Variants in RASSF8 observed in about 807,000 individuals in gnomAD.
The protein encoded by RASSF8 is ras association domain-containing protein 8.
In RASSF8, 22 loss-of-function variants were observed where a neutral mutation model predicts 48.5. The observed-to-expected ratio is 0.45, with a 90% confidence interval of 0.32 to 0.65. The LOEUF (loss-of-function observed/expected upper bound fraction) is 0.65, where lower values mean the gene tolerates loss of function less well. RASSF8 is among the 30% of genes least tolerant of loss of function. The pLI, the probability that RASSF8 is intolerant of heterozygous loss-of-function variation, is 0.03. For missense variants in RASSF8, 418 were observed against 489.2 expected, an observed-to-expected ratio of 0.85 and a Z score of 1.37; for synonymous variants, 127 against 171.5, an observed-to-expected ratio of 0.74 and a Z score of 2.03.
In RASSF8 at chr12:26,065,155, G is replaced by A. The variant is rs1943841191; in HGVS notation, c.761G>A (p.Cys254Tyr). The A allele has an allele frequency of 6.2e-7, 1 of 1,613,950 alleles. No homozygotes were observed. Among genetic ancestry groups the A allele is most frequent in the East Asian group, 2.2e-5 (1 of 44,886 alleles). ...LQEIRQKITE[C>Y]ENKLKDYLAQ... ...GAAATAAGACAGAAAATAACAGAAT[G>A]TGAAAACAAATTAAAGGACTATTTG... Residue 254 changes from cysteine to tyrosine, a missense_variant, in exon 4 of 6, where the codon TGT becomes TAT. Transcript: ENST00000689635.
chr12:26,074,297 G>A (rs1056422568), downstream of RASSF8, among the ~76,000 whole-genome samples: 1 of 151,996 alleles, frequency 6.6e-6, no homozygotes. Flanking sequence ...GTGAGCCCCT[G>A]TTTTTGTCCG....
intron 2 of RASSF8, among the ~76,000 whole-genome samples, chr12:26,044,948 T>C (rs1224546004): frequency 6.6e-6 from 1 of 152,212 alleles, no homozygotes; most frequent in Non-Finnish European, 1.5e-5. Flanking sequence ...CAGTGAATAA[T>C]GAGCCTCTCT....
intron 2 of RASSF8, among the ~76,000 whole-genome samples, chr12:26,001,600 A>G (rs1251758798): frequency 6.6e-6 from 1 of 151,910 alleles, no homozygotes; most frequent in African/African-American, 2.4e-5. Context: ...TAAGACACAA[A>G]CACACATTTT....
At chr12:26,078,227 T>A (rs1397383115) in intron 5 of RASSF8, among the ~76,000 whole-genome samples, 1 of 152,238 alleles carries the variant, frequency 6.6e-6, no homozygotes, top group Non-Finnish European at 1.5e-5. Flanking sequence ...AAGCAAAAAA[T>A]TAGTATCTTC....
chr12:26,037,620 T>C (rs1469427065), intron 2 of RASSF8, among the ~76,000 whole-genome samples: 3 of 152,226 alleles, frequency 2.0e-5, no homozygotes. Context: ...AGCAATGAGA[T>C]TGGCATAGAA....
chr12:26,032,825 A>G (rs930566270), intron 2 of RASSF8, among the ~76,000 whole-genome samples: 1 of 152,322 alleles, frequency 6.6e-6, no homozygotes, highest in South Asian at 2.1e-4. Context: ...TAAACAGCGT[A>G]TGTACACAAT....
chr12:25,965,758 A>C (rs1941346646), intron 1 of RASSF8, among the ~76,000 whole-genome samples: 1 of 152,158 alleles, frequency 6.6e-6, no homozygotes, highest in Non-Finnish European at 1.5e-5. Context: ...ATTTTCTGGA[A>C]TTTTAGATTA....
At chr12:26,026,340 C>T (rs569943028) in intron 2 of RASSF8, among the ~76,000 whole-genome samples, 1 of 152,264 alleles carries the variant, frequency 6.6e-6, no homozygotes, top group Non-Finnish European at 1.5e-5. Context: ...AATGGCCAAT[C>T]AGCAAATGAA....
rs899616008 is a variant in RASSF8 at position 26,016,746 on chromosome 12, CCT to C, written c.-109+21619_-109+21620del. On this transcript the variant is annotated intron_variant, in intron 2 of 5. Transcript: ENST00000689635. ...TAAGGTGTGAAAATATTTTCTTCTT[CCT>C]CTTTTTCTTGCCTAATGTTACTTGA... Among the ~76,000 whole-genome samples the C allele has an allele frequency of 5.1e-4, 77 of 152,198 alleles. 1 individual carries two copies. The highest frequency in any genetic ancestry group is 3.4e-3 in the Middle Eastern group (1 of 292).
intron 1 of RASSF8, among the ~76,000 whole-genome samples, chr12:25,965,703 G>A (rs1941345340): frequency 6.6e-6 from 1 of 151,878 alleles, no homozygotes; most frequent in Non-Finnish European, 1.5e-5. Flanking sequence ...TCATTCTCCC[G>A]TTTCCTCTAA....
chr12:26,010,375 G>A (rs913285586), intron 2 of RASSF8, among the ~76,000 whole-genome samples: 3 of 152,172 alleles, frequency 2.0e-5, no homozygotes, highest in Non-Finnish European at 4.4e-5. Flanking sequence ...ATGGCACAGA[G>A]CCTGTAGAAT....
chr12:25,976,257 CT>C (rs1555158733), intron 1 of RASSF8, among the ~76,000 whole-genome samples: 1 of 152,230 alleles, frequency 6.6e-6, no homozygotes, highest in Non-Finnish European at 1.5e-5. Flanking sequence ...CCAGAGGCTA[CT>C]CCATTTGACC....
At chr12:26,057,633 G>A (rs541991382) in intron 3 of RASSF8, among the ~76,000 whole-genome samples, 31 of 152,192 alleles carry the variant, frequency 2.0e-4, no homozygotes, top group Non-Finnish European at 3.5e-4. Flanking sequence ...AATCCTTTGG[G>A]TATATACGCA....
chr12:26,073,861 T>A (rs1164453008), downstream of RASSF8, among the ~76,000 whole-genome samples: 2 of 148,762 alleles, frequency 1.3e-5, no homozygotes, highest in Admixed American at 6.8e-5. Context: ...TATATATATA[T>A]TTAGCCAAAG....
chr12:26,036,309 T>A (rs1259062356), intron 2 of RASSF8, among the ~76,000 whole-genome samples: 1 of 152,160 alleles, frequency 6.6e-6, no homozygotes, highest in African/African-American at 2.4e-5. Flanking sequence ...CGTTTTGTTT[T>A]GTTTCATCCA....
At chr12:25,958,643 G>GGCCCGGCCCGGCCCGGCCCCCA (rs1218702666), upstream of RASSF8, 5 of 143,232 alleles carry the variant, frequency 3.5e-5, no homozygotes, top group Non-Finnish European at 6.1e-5. Flanking sequence ...CGCCCGGCCC[G>GGCCCGGCCCGGCCCGGCCCCCA]GCCCGGCCCG....
chr12:26,016,570 T>C (rs757932199), intron 2 of RASSF8, among the ~76,000 whole-genome samples: 1 of 152,216 alleles, frequency 6.6e-6, no homozygotes, highest in Non-Finnish European at 1.5e-5. Context: ...AAGAGCTTTA[T>C]AAATTGCAGA....
intron 1 of RASSF8, among the ~76,000 whole-genome samples, chr12:25,991,531 A>G (rs1942014486): frequency 6.6e-6 from 1 of 152,064 alleles, no homozygotes; most frequent in African/African-American, 2.4e-5. Flanking sequence ...GTGACAGTCC[A>G]TTTTGTACGT....
intron 2 of RASSF8, among the ~76,000 whole-genome samples, chr12:26,033,530 A>G (rs950983588): frequency 8.5e-5 from 13 of 152,112 alleles, no homozygotes; most frequent in African/African-American, 1.9e-4. Context: ...TAGAAAAATG[A>G]TATTAATATG....
Sources: allele counts gnomAD v4.1 joint callset (sites outside exome capture counted in the v4.1 genomes callset), GRCh38; gene constraint gnomAD v4.1.1; transcripts MANE v1.5; gene names NCBI Gene and HGNC (gene_info 2026-07-23, HGNC 2026-07-21).